The following TRUB1 variants were observed in gnomAD, a reference collection of about 807,000 sequenced individuals.
TRUB1 encodes the protein TruB pseudouridine synthase family member 1.
TRUB1 carries 23 observed loss-of-function variants against 33.9 expected under a neutral mutation model. The ratio of observed to expected loss-of-function variants is 0.68; its 90% CI spans 0.49 to 0.96. The LOEUF is 0.96. TRUB1 is among the 40% of genes least tolerant of loss of function. TRUB1 has a pLI of 0.00. For missense variants in TRUB1, 378 were observed against 422.2 expected, an observed-to-expected ratio of 0.90 and a Z score of 0.92; for synonymous variants, 163 against 165.4, an observed-to-expected ratio of 0.99 and a Z score of 0.11.
chr10:114,954,762 T>C (rs78005582), intron 3 of TRUB1, among the ~76,000 whole-genome samples: 2 of 152,360 alleles, frequency 1.3e-5, no homozygotes, highest in Admixed American at 6.5e-5. Context: ...AATACTGTTA[T>C]TACTATTCCC....
chr10:114,944,155 G>T (rs115880780), intron 2 of TRUB1, among the ~76,000 whole-genome samples: 1,935 of 151,846 alleles, frequency 0.013, 45 homozygotes, highest in African/African-American at 0.044. Flanking sequence ...CCCTCTCAGT[G>T]CCCCCTTCCC....
chr10:114,940,022 A>G (rs902325152), intron 1 of TRUB1, among the ~76,000 whole-genome samples: 5 of 151,990 alleles, frequency 3.3e-5, no homozygotes, highest in African/African-American at 1.2e-4. Flanking sequence ...CTCGATTTCT[A>G]TATTGCTTGT....
At chr10:114,961,117 G>GC (rs1188992425) in intron 4 of TRUB1, among the ~76,000 whole-genome samples, 4 of 151,972 alleles carry the variant, frequency 2.6e-5, no homozygotes, top group Non-Finnish European at 4.4e-5. Flanking sequence ...TTATGTTGTA[G>GC]TTTTTCCATC....
Position 114,975,448 on chromosome 10 carries a change from G to A in TRUB1, c.*69G>A, listed in dbSNP as rs2084356242. 1 of 1,378,716 alleles carries A rather than the reference G, an allele frequency of 7.3e-7. No homozygotes were observed. The highest frequency in any genetic ancestry group is 2.6e-5 in the Admixed American group (1 of 37,852). 85.4% of individuals were successfully genotyped at this position (1,378,716 alleles called of 1,614,324 possible). On this transcript the variant is annotated 3_prime_UTR_variant, in exon 8 of 8. Coordinates refer to ENST00000298746, the MANE Select transcript of TRUB1 (RefSeq NM_139169.5). ...CCTGTGTGCAGATGCAGAATGACAA[G>A]CTGCATTCAAAAGACAAACAATATG...
At chr10:114,959,107 G>A (rs1458278948) in intron 3 of TRUB1, among the ~76,000 whole-genome samples, 1 of 152,204 alleles carries the variant, frequency 6.6e-6, no homozygotes, top group Non-Finnish European at 1.5e-5. Context: ...CTGCACTGCA[G>A]CCTGGGCAGC....
intron 6 of TRUB1, among the ~76,000 whole-genome samples, 172 bp downstream of exon 6, chr10:114,972,446 A>G (rs2084341305): frequency 6.6e-6 from 1 of 152,190 alleles, no homozygotes; most frequent in Non-Finnish European, 1.5e-5. Context: ...TTAATGAGAT[A>G]CCTGTAGCTA....
intron 4 of TRUB1, among the ~76,000 whole-genome samples, chr10:114,968,640 G>A (rs75912658): frequency 6.6e-6 from 1 of 152,152 alleles, no homozygotes; most frequent in Non-Finnish European, 1.5e-5. Flanking sequence ...GGTCTGCCTT[G>A]TTGGAGCTGC....
rs199856592 is a variant in TRUB1, at chr10:114,939,821, C to CTTTTTTTT, written c.286+1286_286+1287insTTTTTTTT. ...GATTTGTTAGCTAAACTCTGGGTTT[C>CTTTTTTTT]TTTTCTTTTTTTTTTTTTTTTATCC... On this transcript the variant is annotated intron_variant, in intron 1 of 7. Transcript: ENST00000298746. Among the ~76,000 whole-genome samples the CTTTTTTTT allele has an allele frequency of 2.9e-5, 3 of 103,488 alleles. 1 individual carries two copies. Among genetic ancestry groups the CTTTTTTTT allele is most frequent in the African/African-American group, 1.3e-4 (3 of 22,570 alleles). 67.9% of individuals were successfully genotyped at this position (103,488 alleles called of 152,430 possible).
chr10:114,953,824 A>G (rs911998990), intron 3 of TRUB1, among the ~76,000 whole-genome samples: 17 of 152,134 alleles, frequency 1.1e-4, no homozygotes, highest in African/African-American at 4.1e-4. Flanking sequence ...AGTGACAGAG[A>G]GAGAGGCGGA....
At position 114,974,316 on chromosome 10, in the gene TRUB1, G is replaced by C. The variant is rs767552498; in HGVS notation, c.737-13G>C. On this transcript the variant is annotated splice_polypyrimidine_tract_variant and intron_variant, in intron 6 of 7. Coordinates refer to ENST00000298746, the MANE Select transcript of TRUB1 (RefSeq NM_139169.5). ...GAGGTTAGCAATTTACTATGTCACTGTTAACATTCCAGATGTTGAATGTGG... is the reference window on the plus strand; with the variant it reads ...GAGGTTAGCAATTTACTATGTCACTCTTAACATTCCAGATGTTGAATGTGG... The C allele has an allele frequency of 6.2e-7, 1 of 1,609,068 alleles. No homozygotes were observed. Among genetic ancestry groups the C allele is most frequent in the Non-Finnish European group, 8.5e-7 (1 of 1,176,250 alleles).
chr10:114,948,092 G>GT (rs1351217264), intron 2 of TRUB1, among the ~76,000 whole-genome samples: 4 of 152,094 alleles, frequency 2.6e-5, no homozygotes, highest in African/African-American at 4.8e-5. Context: ...TTTTGTTTTT[G>GT]TTTTTTTAAC....
chr10:114,967,071 A>G (rs1484948615), intron 4 of TRUB1, among the ~76,000 whole-genome samples: 4 of 152,236 alleles, frequency 2.6e-5, no homozygotes, highest in African/African-American at 7.2e-5. Flanking sequence ...ATGTATGTAC[A>G]GCTTAGAATT....
intron 1 of TRUB1, 109 bp downstream of exon 1, chr10:114,938,648 A>G (rs2084171364): frequency 8.1e-7 from 1 of 1,235,128 alleles, no homozygotes; most frequent in Non-Finnish European, 1.1e-6. Flanking sequence ...GGGGAAAGGG[A>G]GACTGACCAT....
chr10:114,963,336 T>C (rs750830236), intron 4 of TRUB1, among the ~76,000 whole-genome samples: 33 of 152,208 alleles, frequency 2.2e-4, no homozygotes, highest in South Asian at 2.1e-4. Flanking sequence ...TGGAGTAAGC[T>C]CAAGAGTTGA....
chr10:114,944,717 A>C (rs529735216), intron 2 of TRUB1, among the ~76,000 whole-genome samples: 1 of 152,126 alleles, frequency 6.6e-6, no homozygotes, highest in African/African-American at 2.4e-5. Flanking sequence ...GGGCACAGTG[A>C]CTCATGCCTA....
At chr10:114,956,902 AG>A in intron 3 of TRUB1, among the ~76,000 whole-genome samples, 1 of 152,310 alleles carries the variant, frequency 6.6e-6, no homozygotes. Context: ...AAAATGTTTG[AG>A]AACATTTTGA....
At chr10:114,959,136 A>G (rs2084274441) in intron 3 of TRUB1, among the ~76,000 whole-genome samples, 1 of 152,130 alleles carries the variant, frequency 6.6e-6, no homozygotes, top group East Asian at 1.9e-4. Flanking sequence ...CTCCATCTCA[A>G]ACAAACAAAC....
rs1369162590 is a variant in TRUB1, at chr10:114,974,338, G to A, written c.746G>A (p.Cys249Tyr). The stretch of plus-strand genomic sequence containing the variant: ...ACTGTTAACATTCCAGATGTTGAAT[G>A]TGGAGGAGGTTTTTATATCAGAAGC... ...QPPFFTLDVE[C>Y]GGGFYIRSLV... Residue 249 changes from cysteine (C) to tyrosine (Y), a missense_variant, in exon 7 of 8, where the codon TGT becomes TAT. Transcript: ENST00000298746. 6.2e-7 allele frequency: 1 copy of A among 1,612,542 alleles called. No individual in the cohort carries two copies. The highest frequency in any genetic ancestry group is 8.5e-7 in the Non-Finnish European group (1 of 1,178,996).
At position 114,938,387 on chromosome 10, in the gene TRUB1, C is replaced by T. The variant is rs1373218368; in HGVS notation, c.134C>T (p.Ala45Val). ...PSARAAAAVVAAAARTGSEAR... is the reference protein window; with the variant it reads ...PSARAAAAVVVAAARTGSEAR... The stretch of plus-strand genomic sequence containing the variant: ...GCAAGGGCTGCAGCCGCGGTGGTTG[C>T]GGCCGCGGCCAGGACCGGATCCGAA... Residue 45 changes from alanine (A) to valine (V), a missense_variant, in exon 1 of 8, where the codon GCG becomes GTG. Coordinates refer to ENST00000298746, the MANE Select transcript of TRUB1 (RefSeq NM_139169.5). 1.2e-6 allele frequency: 2 copies of T among 1,607,028 alleles called. No individual in the cohort carries two copies. The highest frequency in any genetic ancestry group is 2.2e-5 in the East Asian group (1 of 44,636).
Sources: gnomAD v4.1 joint callset for allele counts (sites outside exome capture counted in the v4.1 genomes callset) on GRCh38, gnomAD v4.1.1 for gene constraint, MANE v1.5 for transcripts, NCBI Gene and HGNC (gene_info 2026-07-23, HGNC 2026-07-21) for gene names.